EFCAB5: variants seen among roughly 807,000 people sequenced by gnomAD.
The protein encoded by EFCAB5 is EF-hand calcium-binding domain-containing protein 5.
A neutral mutation model predicts 167.9 loss-of-function variants in EFCAB5; 131 were observed. The observed-to-expected ratio is 0.78, with a 90% CI of 0.68 to 0.90. The LOEUF (loss-of-function observed/expected upper bound fraction) is 0.90, where lower values mean the gene tolerates loss of function less well. EFCAB5 is among the 40% of genes least tolerant of loss of function. EFCAB5 has a pLI of 0.00. For synonymous variants in EFCAB5, 574 were observed against 602.8 expected, an observed-to-expected ratio of 0.95 and a Z score of 0.70; for missense variants, 1,663 against 1,745.2, an observed-to-expected ratio of 0.95 and a Z score of 0.84.
At chr17:30,097,901 C>T (rs972404439) in intron 22 of EFCAB5, among the ~76,000 whole-genome samples, 1 of 152,072 alleles carries the variant, frequency 6.6e-6, no homozygotes, top group African/African-American at 2.4e-5. Flanking sequence ...TTTCCCAAAG[C>T]CATCTCTTCT....
chr17:30,058,077 A>T (rs936308667), intron 13 of EFCAB5, among the ~76,000 whole-genome samples, 187 bp downstream of exon 13: 3 of 152,190 alleles, frequency 2.0e-5, no homozygotes, highest in African/African-American at 7.2e-5. Context: ...ACTCCAGAGA[A>T]CTCATTCCCC....
At chr17:29,999,310 AT>A (rs2068611467) in intron 6 of EFCAB5, among the ~76,000 whole-genome samples, 1 of 151,966 alleles carries the variant, frequency 6.6e-6, no homozygotes. Flanking sequence ...GTACATGTGT[AT>A]ATATATATAC....
chr17:30,094,825 C>A (rs905850585), intron 22 of EFCAB5, among the ~76,000 whole-genome samples: 2 of 152,204 alleles, frequency 1.3e-5, no homozygotes, highest in African/African-American at 4.8e-5. Flanking sequence ...CAAGACTGTG[C>A]CATTGCAGGT....
rs549149572 is a variant in EFCAB5 at position 30,023,585 on chromosome 17, C to T, written c.1045-10645C>T. Among the ~76,000 whole-genome samples the T allele has an allele frequency of 1.5e-3, 230 of 152,034 alleles. 1 individual carries two copies. Among genetic ancestry groups the T allele is most frequent in the African/African-American group, 5.2e-3 (214 of 41,448 alleles). On this transcript the variant is annotated intron_variant, in intron 7 of 22. Coordinates refer to ENST00000394835, the MANE Select transcript of EFCAB5 (RefSeq NM_198529.4). Reference sequence around the variant, plus strand: ...GTCCAGGACCAGATGGATTCGCTGCCGAATTCTACCAGAGGTACAAGGAGG... The same window carrying T: ...GTCCAGGACCAGATGGATTCGCTGCTGAATTCTACCAGAGGTACAAGGAGG...
chr17:30,057,925 G>T (rs1264194620), intron 13 of EFCAB5, 35 bp downstream of exon 13: 1 of 1,574,190 alleles, frequency 6.4e-7, no homozygotes, highest in Non-Finnish European at 8.7e-7. Flanking sequence ...TACAAGTGAG[G>T]TCACTATTAT....
chr17:30,040,111 G>T (rs138215058), intron 8 of EFCAB5, among the ~76,000 whole-genome samples: 1 of 152,204 alleles, frequency 6.6e-6, no homozygotes, highest in African/African-American at 2.4e-5. Context: ...CACTAGGATG[G>T]TCCTCAAATC....
At chr17:30,037,044 A>C (rs1224214365) in intron 8 of EFCAB5, among the ~76,000 whole-genome samples, 1 of 152,188 alleles carries the variant, frequency 6.6e-6, no homozygotes, top group African/African-American at 2.4e-5. Context: ...AATTCCAGGT[A>C]GGTTGAGAGG....
At chr17:29,952,439 C>T (rs1009554583) in intron 3 of EFCAB5, among the ~76,000 whole-genome samples, 1 of 152,020 alleles carries the variant, frequency 6.6e-6, no homozygotes, top group African/African-American at 2.4e-5. Context: ...CACAAAGAGA[C>T]ATATGCAATA....
At chr17:30,027,293 CTTTTTTT>C (rs906468665) in intron 7 of EFCAB5, among the ~76,000 whole-genome samples, 1 of 67,366 alleles carries the variant, frequency 1.5e-5, no homozygotes, top group Admixed American at 1.6e-4. Flanking sequence ...CCACACCAGT[CTTTTTTT>C]TTTTTTTTTT....
In EFCAB5 at chr17:30,108,031, A is replaced by T. The variant is rs755839740; in HGVS notation, c.*7A>T. 1 of 1,601,982 alleles carries T rather than the reference A, an allele frequency of 6.2e-7. No homozygotes were observed. On this transcript the variant is annotated 3_prime_UTR_variant, in exon 23 of 23. Coordinates refer to ENST00000394835, the MANE Select transcript of EFCAB5 (RefSeq NM_198529.4). Reference sequence around the variant, plus strand: ...AGGTTTGCAAGAGAAGTGATAATGGATGATAATGGAATTGATACTGTATTT... The same window carrying T: ...AGGTTTGCAAGAGAAGTGATAATGGTTGATAATGGAATTGATACTGTATTT...
intron 14 of EFCAB5, chr17:30,069,070 C>T (rs931316943): frequency 7.0e-7 from 1 of 1,427,874 alleles, no homozygotes; most frequent in Non-Finnish European, 9.9e-7. Context: ...AGTGTGTAAA[C>T]TTTACTCAGA....
chr17:30,096,741 C>T (rs1048097794), intron 22 of EFCAB5, among the ~76,000 whole-genome samples: 1 of 136,812 alleles, frequency 7.3e-6, no homozygotes, highest in African/African-American at 2.8e-5. Flanking sequence ...ATGCAGTGGC[C>T]CAATCTCAGC....
At position 30,004,598 on chromosome 17, in the gene EFCAB5, C is replaced by T. The variant is rs547667659; in HGVS notation, c.1044+4622C>T. Among the ~76,000 whole-genome samples the T allele has an allele frequency of 3.9e-4, 59 of 150,924 alleles. 1 individual carries two copies. Among genetic ancestry groups the T allele is most frequent in the African/African-American group, 1.4e-3 (57 of 41,246 alleles). ...TCTATAATTTTTATTCAATAACCCT[C>T]ACCAGATACTAACTCTGTGGGCACT... On this transcript the variant is annotated intron_variant, in intron 7 of 22. Coordinates refer to ENST00000394835, the MANE Select transcript of EFCAB5 (RefSeq NM_198529.4).
chr17:30,086,008 T>G (rs908832275), intron 18 of EFCAB5, among the ~76,000 whole-genome samples: 2 of 152,164 alleles, frequency 1.3e-5, no homozygotes, highest in Non-Finnish European at 2.9e-5. Flanking sequence ...TATTTTTATT[T>G]TTTTAGAGAC....
chr17:29,994,167 T>TATATATATATATATATAC (rs1411208091), intron 5 of EFCAB5, among the ~76,000 whole-genome samples: 19 of 132,214 alleles, frequency 1.4e-4, no homozygotes, highest in Non-Finnish European at 2.6e-4. Flanking sequence ...TATATATATA[T>TATATATATATATATATAC]ATATATATAT....
At chr17:29,957,276 A>G (rs1328433312) in intron 3 of EFCAB5, among the ~76,000 whole-genome samples, 1 of 152,084 alleles carries the variant, frequency 6.6e-6, no homozygotes, top group Non-Finnish European at 1.5e-5. Flanking sequence ...ATATTGAACC[A>G]TCTTTGCATC....
chr17:30,108,214 C>A lies in EFCAB5; in HGVS notation c.*190C>A. ...AGAAATTTAGCCAAAAAATACCCAG[C>A]TAAGGTAGCCATAGCCAAGTGTATT... On this transcript the variant is annotated 3_prime_UTR_variant, in exon 23 of 23. Coordinates refer to ENST00000394835, the MANE Select transcript of EFCAB5 (RefSeq NM_198529.4). 1.9e-6 allele frequency: 1 copy of A among 531,438 alleles called. No individual in the cohort carries two copies. The allele number at this position is 531,438 out of a possible 1,614,324, so 32.9% of individuals were successfully genotyped here. A position where few individuals can be genotyped will look rare whatever the true frequency, so the allele number is the denominator to read the frequency against.
Position 29,961,531 on chromosome 17 carries a change from C to T in EFCAB5, c.191-7260C>T, listed in dbSNP as rs2067720028. Among the ~76,000 whole-genome samples, 3 of 151,976 alleles carry T rather than the reference C, an allele frequency of 2.0e-5. No homozygotes were observed. The South Asian group carries it at 6.2e-4, about 32-fold the overall frequency. ...TATATCCATGAAGTCATTGTTAAAG[C>T]CAGTGGCATGAAGATTTTCCACAGG... On this transcript the variant is annotated intron_variant, in intron 3 of 22. Coordinates refer to ENST00000394835, the MANE Select transcript of EFCAB5 (RefSeq NM_198529.4).
chr17:29,937,716 T>C (rs574802744), upstream of EFCAB5, among the ~76,000 whole-genome samples: 4 of 152,282 alleles, frequency 2.6e-5, no homozygotes, highest in South Asian at 6.2e-4. Context: ...TCTGTTCTAA[T>C]TATATATTCA....
Sources: allele counts gnomAD v4.1 joint callset (sites outside exome capture counted in the v4.1 genomes callset), GRCh38; gene constraint gnomAD v4.1.1; transcripts MANE v1.5; gene names NCBI Gene and HGNC (gene_info 2026-07-23, HGNC 2026-07-21).